GRIP1: variants seen among roughly 807,000 people sequenced by gnomAD.
GRIP1 encodes glutamate receptor-interacting protein 1.
In GRIP1, 45 loss-of-function variants were observed where a neutral mutation model predicts 129.9. The observed-to-expected ratio is 0.35, with a 90% CI of 0.27 to 0.44. The LOEUF is 0.44. Ranked by LOEUF, GRIP1 falls within the 20% of genes least tolerant of loss-of-function variation. The pLI is 1.00. For synonymous variants in GRIP1, 530 were observed against 520.8 expected, an observed-to-expected ratio of 1.02 and a Z score of -0.24; for missense variants, 1,196 against 1,396.8, an observed-to-expected ratio of 0.86 and a Z score of 2.29.
At chr12:66,892,449 G>A (rs999429354) in intron 1 of GRIP1, among the ~76,000 whole-genome samples, 5 of 152,110 alleles carry the variant, frequency 3.3e-5, no homozygotes, top group Non-Finnish European at 7.4e-5. Context: ...GAAATTCTGT[G>A]TATCCTTCTC....
At chr12:66,992,837 G>A (rs765461758) in intron 1 of GRIP1, among the ~76,000 whole-genome samples, 2 of 152,220 alleles carry the variant, frequency 1.3e-5, no homozygotes, top group Admixed American at 6.5e-5. Context: ...AAAAGGCCAG[G>A]TGTGGTAGCT....
At chr12:67,061,857 G>A (rs1315536416) in intron 1 of GRIP1, among the ~76,000 whole-genome samples, 6 of 151,802 alleles carry the variant, frequency 4.0e-5, no homozygotes, top group East Asian at 3.9e-4. Flanking sequence ...TACATTGACC[G>A]GTGGAGTGAG....
chr12:66,355,863 G>A (rs1182461508), intron 23 of GRIP1, among the ~76,000 whole-genome samples: 1 of 152,214 alleles, frequency 6.6e-6, no homozygotes, highest in African/African-American at 2.4e-5. Context: ...TTATGAGGCT[G>A]AGGATCAACC....
intron 1 of GRIP1, among the ~76,000 whole-genome samples, chr12:66,704,606 C>T (rs540139336): frequency 5.3e-5 from 8 of 152,188 alleles, no homozygotes; most frequent in Non-Finnish European, 8.8e-5. Context: ...TGTTCCCAAG[C>T]ACTCTGCAGA....
intron 1 of GRIP1, among the ~76,000 whole-genome samples, chr12:66,637,209 AAAATAAAT>A (rs931069845): frequency 2.0e-5 from 3 of 152,132 alleles, no homozygotes; most frequent in African/African-American, 4.8e-5. Context: ...GAAACTGTAT[AAAATAAAT>A]AAATAAATAA....
intron 22 of GRIP1, among the ~76,000 whole-genome samples, chr12:66,374,280 C>T (rs548721768): frequency 7.6e-4 from 116 of 152,166 alleles, no homozygotes; most frequent in Non-Finnish European, 1.3e-3. Flanking sequence ...CTCCACCTCC[C>T]GGGTTCAAGC....
intron 24 of GRIP1, among the ~76,000 whole-genome samples, chr12:66,350,584 G>A (rs970847984): frequency 3.9e-5 from 6 of 152,144 alleles, no homozygotes; most frequent in African/African-American, 1.4e-4. Flanking sequence ...AGGCCACCAA[G>A]GGCAACTTGT....
intron 1 of GRIP1, among the ~76,000 whole-genome samples, chr12:66,831,484 G>A (rs192392042): frequency 6.6e-6 from 1 of 152,102 alleles, no homozygotes; most frequent in Non-Finnish European, 1.5e-5. Flanking sequence ...TCATATGTTG[G>A]CCCAATCAAG....
At position 66,853,454 on chromosome 12, in the gene GRIP1, T is replaced by C. The variant is rs189929967; in HGVS notation, c.58+215596A>G. ...ATTTTTGAAAATTTATCTTTTTTTC[T>C]CCTTACATAATCAAAAGCTCAAGTA... On this transcript the variant is annotated intron_variant, in intron 1 of 1. Transcript: ENST00000643019. 2.2e-3 allele frequency among the ~76,000 whole-genome samples: 327 copies of C among 151,964 alleles called. 1 individual carries two copies. The highest frequency in any genetic ancestry group is 7.2e-3 in the African/African-American group (299 of 41,364).
chr12:66,962,345 A>G (rs1357418698), intron 1 of GRIP1, among the ~76,000 whole-genome samples: 1 of 152,190 alleles, frequency 6.6e-6, no homozygotes, highest in Non-Finnish European at 1.5e-5. Context: ...AGGGGAAAGG[A>G]ATCGAGACAG....
chr12:66,878,469 G>C (rs1324000374), intron 1 of GRIP1, among the ~76,000 whole-genome samples: 1 of 151,974 alleles, frequency 6.6e-6, no homozygotes, highest in African/African-American at 2.4e-5. Context: ...CCTGGGAGAG[G>C]AGAAAATGGA....
At position 67,008,405 on chromosome 12, in the gene GRIP1, C is replaced by T. The variant is rs145064077; in HGVS notation, c.58+60645G>A. On this transcript the variant is annotated intron_variant, in intron 1 of 1. Transcript: ENST00000643019. ...ATCTTAAAGACTTCCAACAATAAGG[C>T]TATGAATTCACTTTAACAGAAGGCC... Among the ~76,000 whole-genome samples, 27 of 152,230 alleles carry T rather than the reference C, an allele frequency of 1.8e-4. 1 individual carries two copies. The East Asian group carries it at 3.1e-3, about 17-fold the overall frequency.
At chr12:66,996,947 C>G (rs1053853787) in intron 1 of GRIP1, among the ~76,000 whole-genome samples, 2 of 152,116 alleles carry the variant, frequency 1.3e-5, no homozygotes, top group African/African-American at 4.8e-5. Context: ...TGTCATTTCT[C>G]AGGAACTGGG....
At chr12:66,697,558 G>C (rs2035205667) in intron 1 of GRIP1, among the ~76,000 whole-genome samples, 1 of 152,138 alleles carries the variant, frequency 6.6e-6, no homozygotes, top group South Asian at 2.1e-4. Flanking sequence ...AGACTCACTT[G>C]GGGCTCAATT....
At chr12:67,057,173 G>T (rs781134343) in intron 1 of GRIP1, among the ~76,000 whole-genome samples, 3 of 152,066 alleles carry the variant, frequency 2.0e-5, no homozygotes, top group Non-Finnish European at 4.4e-5. Context: ...CCCCCTGTGT[G>T]GTTGCATTTG....
At chr12:66,467,853 G>T (rs2059329132) in intron 7 of GRIP1, among the ~76,000 whole-genome samples, 1 of 152,088 alleles carries the variant, frequency 6.6e-6, no homozygotes, top group Non-Finnish European at 1.5e-5. Context: ...ACTTTCCATG[G>T]TCTTGTTGGA....
chr12:66,933,340 T>C (rs1445277635), intron 1 of GRIP1, among the ~76,000 whole-genome samples: 1 of 152,218 alleles, frequency 6.6e-6, no homozygotes, highest in Non-Finnish European at 1.5e-5. Context: ...AGATCACTTC[T>C]GCACAATTAA....
intron 1 of GRIP1, among the ~76,000 whole-genome samples, chr12:66,930,117 T>A (rs558091350): frequency 2.0e-5 from 3 of 150,764 alleles, no homozygotes; most frequent in African/African-American, 7.3e-5. Context: ...TTTTTTTTTA[T>A]TATTACACTT....
chr12:66,696,796 C>A (rs112827723), intron 1 of GRIP1, among the ~76,000 whole-genome samples: 2 of 118,302 alleles, frequency 1.7e-5, no homozygotes, highest in African/African-American at 7.4e-5. Context: ...CAGAGCAAGA[C>A]TCTGTCTCAA....
Sources: allele counts gnomAD v4.1 joint callset (sites outside exome capture counted in the v4.1 genomes callset), GRCh38; gene constraint gnomAD v4.1.1; transcripts MANE v1.5; gene names NCBI Gene and HGNC (gene_info 2026-07-23, HGNC 2026-07-21).